CHD9: variants seen among roughly 807,000 people sequenced by gnomAD.
The protein encoded by CHD9 is ATP-dependent chromatin remodeler CHD9.
CHD9 carries 77 observed loss-of-function variants against 316.1 expected under a neutral mutation model. That is an observed-to-expected ratio of 0.24 (90% confidence interval 0.20 to 0.29). CHD9 has a LOEUF of 0.29. Ranked by LOEUF, CHD9 falls within the 10% of genes least tolerant of loss-of-function variation. The pLI is 1.00. For missense variants in CHD9, 2,763 were observed against 3,438.1 expected, an observed-to-expected ratio of 0.80 and a Z score of 4.91; for synonymous variants, 1,129 against 1,158.3, an observed-to-expected ratio of 0.97 and a Z score of 0.51.
chr16:53,146,369 G>A (rs1166876547), intron 1 of CHD9, among the ~76,000 whole-genome samples: 3 of 115,350 alleles, frequency 2.6e-5, no homozygotes, highest in African/African-American at 1.0e-4. Context: ...CTCCAGGCTG[G>A]GTGACAGTGA....
At chr16:53,243,082 G>A in intron 13 of CHD9, 66 bp downstream of exon 13, 1 of 1,152,014 alleles carries the variant, frequency 8.7e-7, no homozygotes, top group South Asian at 1.6e-5. Flanking sequence ...AGGTTATAGA[G>A]TTAATGCTAA....
At chr16:53,146,091 G>A (rs1045709496) in intron 1 of CHD9, among the ~76,000 whole-genome samples, 1 of 151,120 alleles carries the variant, frequency 6.6e-6, no homozygotes, top group South Asian at 2.1e-4. Context: ...AATGGGTATG[G>A]AGTTAAAATT....
At position 53,286,264 on chromosome 16, in the gene CHD9, T is replaced by C; in HGVS notation, c.5110T>C (p.Leu1704=). ...TAACACTATTCGAGCAGACCCAGCA[T>C]TATGCTTCTTGGAAAGAGTGGGAAA... The part of the protein sequence containing the change: ...KYNTIRADPA[L]CFLERVGKPD... The change falls in exon 26 of 39, where the codon TTA becomes CTA. Residue 1704 remains leucine, a synonymous_variant. Transcript: ENST00000447540. 6.2e-7 allele frequency: 1 copy of C among 1,613,024 alleles called. No homozygotes were observed. The highest frequency in any genetic ancestry group is 8.5e-7 in the Non-Finnish European group (1 of 1,179,058).
intron 2 of CHD9, among the ~76,000 whole-genome samples, chr16:53,166,205 T>C (rs2042258363): frequency 6.6e-6 from 1 of 152,168 alleles, no homozygotes. Flanking sequence ...TATTAAACTA[T>C]GTAGTATATT....
chr16:53,273,954 A>G (rs949306022), intron 23 of CHD9, among the ~76,000 whole-genome samples, 169 bp downstream of exon 23: 3 of 152,174 alleles, frequency 2.0e-5, no homozygotes, highest in Admixed American at 6.5e-5. Flanking sequence ...CTCTTGTGTC[A>G]TTGTTCTCAC....
chr16:53,249,486 G>A (rs188836254), intron 16 of CHD9, among the ~76,000 whole-genome samples: 8 of 152,192 alleles, frequency 5.3e-5, no homozygotes, highest in Admixed American at 3.3e-4. Context: ...CATGGATTAA[G>A]GACAAAAGAA....
intron 37 of CHD9, among the ~76,000 whole-genome samples, chr16:53,319,286 T>C (rs1392769615): frequency 6.6e-6 from 1 of 152,174 alleles, no homozygotes; most frequent in East Asian, 1.9e-4. Flanking sequence ...CTTACATAGG[T>C]CTGGTTCTGA....
intron 1 of CHD9, among the ~76,000 whole-genome samples, chr16:53,153,044 A>G (rs1451173076): frequency 6.6e-6 from 1 of 152,226 alleles, no homozygotes; most frequent in African/African-American, 2.4e-5. Context: ...CATGATAACT[A>G]CATCAAATGC....
intron 1 of CHD9, among the ~76,000 whole-genome samples, chr16:53,071,483 T>C (rs539828762): frequency 6.6e-6 from 1 of 152,314 alleles, no homozygotes; most frequent in East Asian, 1.9e-4. Flanking sequence ...GAGTTCCTCT[T>C]CCTGGGGTAG....
At chr16:53,139,693 A>G (rs113221544) in intron 1 of CHD9, among the ~76,000 whole-genome samples, 14 of 152,336 alleles carry the variant, frequency 9.2e-5, no homozygotes, top group African/African-American at 3.4e-4. Flanking sequence ...TTAAGCACTT[A>G]CTACTGTATG....
intron 2 of CHD9, among the ~76,000 whole-genome samples, chr16:53,159,854 T>C (rs1254628869): frequency 6.6e-6 from 1 of 152,194 alleles, no homozygotes; most frequent in African/African-American, 2.4e-5. Context: ...TGACCTCAGG[T>C]GATCCACCGG....
chr16:53,198,019 C>G (rs963103379), intron 2 of CHD9, among the ~76,000 whole-genome samples: 35 of 151,990 alleles, frequency 2.3e-4, no homozygotes, highest in Non-Finnish European at 8.8e-5. Context: ...CTCTCCCTTC[C>G]TACATAGCCA....
chr16:53,317,178 A>AAG (rs1183468219), intron 36 of CHD9, among the ~76,000 whole-genome samples: 5 of 151,716 alleles, frequency 3.3e-5, no homozygotes, highest in Non-Finnish European at 7.4e-5. Context: ...AAAAAAAAAA[A>AAG]AAAGAAAAGA....
chr16:53,281,606 C>G (rs1397552226), intron 24 of CHD9, among the ~76,000 whole-genome samples: 1 of 152,142 alleles, frequency 6.6e-6, no homozygotes, highest in South Asian at 2.1e-4. Context: ...TCTAATTTCT[C>G]TTAGAATAAA....
intron 1 of CHD9, among the ~76,000 whole-genome samples, chr16:53,064,791 T>C (rs1301637727): frequency 6.6e-6 from 1 of 152,072 alleles, no homozygotes; most frequent in East Asian, 1.9e-4. Context: ...CTGGCCAACA[T>C]GGTGAAACCC....
Position 53,109,716 on chromosome 16 carries a change from G to A in CHD9, c.-164-46210G>A, listed in dbSNP as rs540196975. ...TTTTTTTTTTTTGAGATGGAGTCTCGCTCCGTCACCCAGGCTGGAGTGCAG... is the reference window on the plus strand; with the variant it reads ...TTTTTTTTTTTTGAGATGGAGTCTCACTCCGTCACCCAGGCTGGAGTGCAG... On this transcript the variant is annotated intron_variant, in intron 1 of 38. Transcript: ENST00000447540. 5.2e-3 allele frequency among the ~76,000 whole-genome samples: 580 copies of A among 111,994 alleles called. 3 individuals carry two copies. The highest frequency in any genetic ancestry group is 0.027 in the Middle Eastern group (3 of 110). The allele number at this position is 111,994 out of a possible 152,430, so 73.5% of individuals were successfully genotyped here.
chr16:53,085,972 A>G (rs1426587816), intron 1 of CHD9, among the ~76,000 whole-genome samples: 1 of 152,214 alleles, frequency 6.6e-6, no homozygotes, highest in Non-Finnish European at 1.5e-5. Flanking sequence ...AAGATTTTTC[A>G]TGCAGTTTAG....
At chr16:53,158,492 G>C (rs2041679817) in intron 2 of CHD9, among the ~76,000 whole-genome samples, 1 of 152,132 alleles carries the variant, frequency 6.6e-6, no homozygotes, top group South Asian at 2.1e-4. Flanking sequence ...TAGTAGTTGG[G>C]TGACTTTGAC....
In CHD9 at chr16:53,261,996, G is replaced by A. The variant is rs545743714; in HGVS notation, c.4210-991G>A. Among the ~76,000 whole-genome samples the A allele has an allele frequency of 8.6e-5, 13 of 151,570 alleles. No individual in the cohort carries two copies. The East Asian group carries it at 2.1e-3, about 25-fold the overall frequency. On this transcript the variant is annotated intron_variant, in intron 19 of 38. Coordinates refer to ENST00000447540, the MANE Select transcript of CHD9 (RefSeq NM_001308319.2). ...TTAACAGTTTTATCTTTTTAATGTG[G>A]GATTTTTCTGGATCTTTTAAATTTT...
Sources: gnomAD v4.1 joint callset for allele counts (sites outside exome capture counted in the v4.1 genomes callset) on GRCh38, gnomAD v4.1.1 for gene constraint, MANE v1.5 for transcripts, NCBI Gene and HGNC (gene_info 2026-07-23, HGNC 2026-07-21) for gene names.